CACNA2D2: variants seen among roughly 807,000 people sequenced by gnomAD.
The protein encoded by CACNA2D2 is voltage-dependent calcium channel subunit alpha-2/delta-2.
Under a neutral mutation model 166.4 loss-of-function variants are expected in CACNA2D2, and 48 were observed. That is an observed-to-expected ratio of 0.29 (90% CI 0.23 to 0.37). The LOEUF is 0.37. CACNA2D2 is among the 10% of genes least tolerant of loss of function. The pLI is 1.00. For missense variants in CACNA2D2, 1,122 were observed against 1,433.0 expected, an observed-to-expected ratio of 0.78 and a Z score of 3.50; for synonymous variants, 561 against 573.7, an observed-to-expected ratio of 0.98 and a Z score of 0.32.
chr3:50,386,402 G>A (rs1228714740), intron 5 of CACNA2D2, among the ~76,000 whole-genome samples: 1 of 152,238 alleles, frequency 6.6e-6, no homozygotes, highest in Non-Finnish European at 1.5e-5. Context: ...TTAATGCACT[G>A]ATTGCTAAAA....
intron 2 of CACNA2D2, among the ~76,000 whole-genome samples, chr3:50,454,744 G>A (rs2106972828): frequency 6.6e-6 from 1 of 152,192 alleles, no homozygotes; most frequent in Non-Finnish European, 1.5e-5. Context: ...AGTGAAGGAG[G>A]AGCCAAGTCC....
chr3:50,503,141 G>A (rs1699053027), intron 1 of CACNA2D2, 77 bp downstream of exon 1: 1 of 850,350 alleles, frequency 1.2e-6, no homozygotes, highest in African/African-American at 1.8e-5. Context: ...GGAGCGCAGG[G>A]AAGGAGTAGC....
Position 50,427,415 on chromosome 3 carries a change from G to A in CACNA2D2, c.405+6898C>T, listed in dbSNP as rs923710508. Among the ~76,000 whole-genome samples the A allele has an allele frequency of 6.6e-6, 1 of 152,262 alleles. No homozygotes were observed. Among genetic ancestry groups the A allele is most frequent in the Non-Finnish European group, 1.5e-5 (1 of 68,054 alleles). ...AAGCAGCGGCACTGTTTGGGTGAGG[G>A]GAGAATAATCAGCTGTAAACGCCGC... On this transcript the variant is annotated intron_variant, in intron 3 of 37. Coordinates refer to ENST00000424201, the MANE Select transcript of CACNA2D2 (RefSeq NM_006030.4). The surrounding 1 kb of genome is among the most constrained non-coding windows in gnomAD (Gnocchi z 4.7).
At chr3:50,391,659 C>T (rs916332819) in intron 4 of CACNA2D2, among the ~76,000 whole-genome samples, 2 of 152,250 alleles carry the variant, frequency 1.3e-5, no homozygotes, top group East Asian at 3.8e-4. Context: ...GGATCCCCAA[C>T]CCCCCAGGCT....
At chr3:50,501,302 C>T (rs1343879345) in intron 1 of CACNA2D2, among the ~76,000 whole-genome samples, 1 of 152,212 alleles carries the variant, frequency 6.6e-6, no homozygotes, top group Non-Finnish European at 1.5e-5. Flanking sequence ...AGCTGAAGGG[C>T]ACTGGCTGTC....
chr3:50,419,479 G>C (rs1199254420), intron 3 of CACNA2D2, among the ~76,000 whole-genome samples: 3 of 152,202 alleles, frequency 2.0e-5, no homozygotes, highest in Admixed American at 1.3e-4. Context: ...GTGACCTTGA[G>C]GCCCATGACA....
chr3:50,467,953 G>A (rs1486970543), intron 2 of CACNA2D2, among the ~76,000 whole-genome samples: 1 of 152,204 alleles, frequency 6.6e-6, no homozygotes, highest in Admixed American at 6.5e-5. Context: ...TGCTCCTGCC[G>A]CCCCTGGGGC....
At chr3:50,451,665 C>T (rs1193411173) in intron 2 of CACNA2D2, among the ~76,000 whole-genome samples, 1 of 152,180 alleles carries the variant, frequency 6.6e-6, no homozygotes, top group African/African-American at 2.4e-5. Context: ...CCATGTCTCC[C>T]ATTTCCTCAA....
At chr3:50,372,382 G>A (rs900806411) in intron 22 of CACNA2D2, among the ~76,000 whole-genome samples, 1 of 152,224 alleles carries the variant, frequency 6.6e-6, no homozygotes, top group African/African-American at 2.4e-5. Flanking sequence ...CCGGGGCTCA[G>A]CAAAGCCTCT....
chr3:50,423,438 G>A (rs1707666140), intron 3 of CACNA2D2, among the ~76,000 whole-genome samples: 1 of 152,186 alleles, frequency 6.6e-6, no homozygotes, highest in African/African-American at 2.4e-5. Flanking sequence ...CTGCCCTGCT[G>A]ACCTTTTCTA....
chr3:50,364,320 C>T lies in CACNA2D2; in HGVS notation c.*346G>A, dbSNP rs1016388694. On this transcript the variant is annotated 3_prime_UTR_variant, in exon 38 of 38. Coordinates refer to ENST00000424201, the MANE Select transcript of CACNA2D2 (RefSeq NM_006030.4). ...CCGGGTCAGCTGAGGCAGGGTCCCC[C>T]CCAACATAGGCAGCCTCCAGGAAGG... is the stretch of plus-strand genomic sequence containing the variant. 11 of 302,366 alleles carry T rather than the reference C, an allele frequency of 3.6e-5. No individual in the cohort carries two copies. Among genetic ancestry groups the T allele is most frequent in the Non-Finnish European group, 6.7e-5 (11 of 163,232 alleles). The allele number at this position is 302,366 out of a possible 1,614,324, so 18.7% of individuals were successfully genotyped here. A position where few individuals can be genotyped will look rare whatever the true frequency, so the allele number is the denominator to read the frequency against.
intron 3 of CACNA2D2, among the ~76,000 whole-genome samples, chr3:50,418,940 G>A (rs903967163): frequency 6.6e-6 from 1 of 152,200 alleles, no homozygotes; most frequent in African/African-American, 2.4e-5. Flanking sequence ...TCTCAGTGTG[G>A]GAGTTGGGGG....
In CACNA2D2 at chr3:50,375,459, C is replaced by T. The variant is rs976958637; in HGVS notation, c.1907+185G>A. ...TGACTGTGCTGTGCTCTCAGACCTG[C>T]TGCTTGTTCCTTAAAAGCCAGGGAG... is the stretch of plus-strand genomic sequence containing the variant. On this transcript the variant is annotated intron_variant, in intron 21 of 37. Coordinates refer to ENST00000424201, the MANE Select transcript of CACNA2D2 (RefSeq NM_006030.4). The surrounding 1 kb of genome is among the most constrained non-coding windows in gnomAD (Gnocchi z 4.0). 6.6e-6 allele frequency among the ~76,000 whole-genome samples: 1 copy of T among 152,200 alleles called. No individual in the cohort carries two copies. The highest frequency in any genetic ancestry group is 1.5e-5 in the Non-Finnish European group (1 of 68,022).
chr3:50,427,899 G>A lies in CACNA2D2; in HGVS notation c.405+6414C>T, dbSNP rs1431527425. The stretch of plus-strand genomic sequence containing the variant: ...ACCCTCGTCAGTGAATGCACCCGTG[G>A]ACTCAGCTGAACTGGCCTCCAGCTG... On this transcript the variant is annotated intron_variant, in intron 3 of 37. Transcript: ENST00000424201. This position sits in a 1 kb window ranked among gnomAD's most constrained non-coding sequence, Gnocchi z 4.7. 6.6e-6 allele frequency among the ~76,000 whole-genome samples: 1 copy of A among 152,180 alleles called. No homozygotes were observed. The highest frequency in any genetic ancestry group is 1.5e-5 in the Non-Finnish European group (1 of 68,034).
rs556634402 is a variant in CACNA2D2 at position 50,400,301 on chromosome 3, C to T, written c.406-6133G>A. Among the ~76,000 whole-genome samples, 30 of 152,348 alleles carry T rather than the reference C, an allele frequency of 2.0e-4. 1 individual carries two copies. Among genetic ancestry groups the T allele is most frequent in the Admixed American group, 1.3e-3 (20 of 15,308 alleles). ...CTGTGGGCCTCTGCTGCTGCTGCTTCGGCCTTGAGCAGACATTTGTCTGTC... is the reference window on the plus strand; with the variant it reads ...CTGTGGGCCTCTGCTGCTGCTGCTTTGGCCTTGAGCAGACATTTGTCTGTC... On this transcript the variant is annotated intron_variant, in intron 3 of 37. Transcript: ENST00000424201.
intron 3 of CACNA2D2, among the ~76,000 whole-genome samples, chr3:50,431,467 G>C (rs997340028): frequency 6.6e-6 from 1 of 152,262 alleles, no homozygotes; most frequent in Non-Finnish European, 1.5e-5. Context: ...ATGTGGGGGA[G>C]TCAAGGGGCT....
chr3:50,491,167 A>G (rs551726747), intron 1 of CACNA2D2, among the ~76,000 whole-genome samples: 33 of 152,290 alleles, frequency 2.2e-4, no homozygotes, highest in Non-Finnish European at 1.5e-5. Context: ...CTCCTTGCTG[A>G]GGTCTCCACA....
At chr3:50,415,191 G>T (rs1476720673) in intron 3 of CACNA2D2, among the ~76,000 whole-genome samples, 1 of 152,218 alleles carries the variant, frequency 6.6e-6, no homozygotes, top group East Asian at 1.9e-4. Context: ...TAGACTGAGG[G>T]CACAGGCTCC....
At chr3:50,455,117 CA>C (rs1485903130) in intron 2 of CACNA2D2, among the ~76,000 whole-genome samples, 1 of 152,226 alleles carries the variant, frequency 6.6e-6, no homozygotes, top group Non-Finnish European at 1.5e-5. Context: ...CCCATCACAC[CA>C]AAGGTCCAAA....
Sources: allele counts gnomAD v4.1 joint callset (sites outside exome capture counted in the v4.1 genomes callset), GRCh38; gene constraint gnomAD v4.1.1; non-coding constraint Gnocchi (gnomAD v3.1); transcripts MANE v1.5; gene names NCBI Gene and HGNC (gene_info 2026-07-23, HGNC 2026-07-21).